Variants in FBXL17 observed in about 807,000 individuals in gnomAD.
FBXL17 encodes the protein F-box/LRR-repeat protein 17.
Under a neutral mutation model 66.2 loss-of-function variants are expected in FBXL17, and 22 were observed. That is an observed-to-expected ratio of 0.33 (90% CI 0.24 to 0.47). The LOEUF (loss-of-function observed/expected upper bound fraction) is 0.47, where lower values mean the gene tolerates loss of function less well. Among genes scored for constraint, FBXL17 ranks in the 20% least tolerant of loss-of-function variants. The pLI is 1.00. For synonymous variants in FBXL17, 474 were observed against 400.5 expected, an observed-to-expected ratio of 1.18 and a Z score of -2.19; for missense variants, 878 against 948.2, an observed-to-expected ratio of 0.93 and a Z score of 0.97.
At chr5:108,109,102 A>G (rs968529411) in intron 6 of FBXL17, among the ~76,000 whole-genome samples, 2 of 152,042 alleles carry the variant, frequency 1.3e-5, no homozygotes, top group African/African-American at 4.8e-5. Flanking sequence ...ACTTTCAAAG[A>G]CCTATTGGGA....
At chr5:108,060,173 TAC>T (rs72198277) in intron 6 of FBXL17, among the ~76,000 whole-genome samples, 23,923 of 148,822 alleles carry the variant, frequency 0.16, 2,290 homozygotes, top group South Asian at 0.43. Flanking sequence ...CACATATGTG[TAC>T]ATATATATAT....
intron 4 of FBXL17, among the ~76,000 whole-genome samples, chr5:108,270,545 AAAC>A (rs937406990): frequency 2.0e-5 from 3 of 150,992 alleles, no homozygotes; most frequent in Non-Finnish European, 4.4e-5. Context: ...TAAAAAAAAA[AAAC>A]ATGTTCTCAA....
At chr5:108,281,392 T>C (rs1462449683) in intron 4 of FBXL17, among the ~76,000 whole-genome samples, 1 of 151,648 alleles carries the variant, frequency 6.6e-6, no homozygotes, top group Non-Finnish European at 1.5e-5. Context: ...ACTCTGGAAA[T>C]TTTACAAATA....
intron 8 of FBXL17, among the ~76,000 whole-genome samples, chr5:107,868,870 A>G (rs1288536207): frequency 6.6e-6 from 1 of 151,664 alleles, no homozygotes; most frequent in Non-Finnish European, 1.5e-5. Context: ...TCAGAGAAGA[A>G]AGGAAACCAG....
intron 6 of FBXL17, among the ~76,000 whole-genome samples, chr5:108,070,449 G>A (rs965254361): frequency 5.3e-5 from 8 of 152,094 alleles, no homozygotes; most frequent in Non-Finnish European, 1.0e-4. Context: ...AATGAAAACC[G>A]AAAAATTATA....
chr5:108,374,926 T>A (rs1359275965), intron 1 of FBXL17, among the ~76,000 whole-genome samples: 3 of 152,006 alleles, frequency 2.0e-5, no homozygotes, highest in Non-Finnish European at 4.4e-5. Flanking sequence ...CAACCTAAAC[T>A]TCTACCTCAA....
rs1313511612 is a variant in FBXL17 at position 108,375,748 on chromosome 5, T to C, written c.993+4951A>G. ...TTAAATTCTTCCAAAAATGAGAGGA[T>C]GGGATACTACTTCCCAACTCATGCT... On this transcript the variant is annotated intron_variant, in intron 1 of 8. Transcript: ENST00000542267. 2.0e-5 allele frequency among the ~76,000 whole-genome samples: 3 copies of C among 152,210 alleles called. No homozygotes were observed. The East Asian group carries it at 5.8e-4, about 29-fold the overall frequency.
chr5:108,091,011 G>C (rs1353531444), intron 6 of FBXL17, among the ~76,000 whole-genome samples: 1 of 152,056 alleles, frequency 6.6e-6, no homozygotes, highest in Non-Finnish European at 1.5e-5. Context: ...TCCTCTGTTG[G>C]GTGTGCGTGG....
intron 4 of FBXL17, among the ~76,000 whole-genome samples, chr5:108,227,978 T>A (rs1205191820): frequency 6.6e-6 from 1 of 152,116 alleles, no homozygotes; most frequent in Non-Finnish European, 1.5e-5. Context: ...TTTTCCTATA[T>A]CCATCTTCGA....
chr5:108,106,417 T>G (rs1185512457), intron 6 of FBXL17, among the ~76,000 whole-genome samples: 1 of 152,182 alleles, frequency 6.6e-6, no homozygotes, highest in African/African-American at 2.4e-5. Flanking sequence ...CCTAGGTATA[T>G]ATCCAAGAGA....
intron 6 of FBXL17, among the ~76,000 whole-genome samples, chr5:108,067,199 T>C (rs1748146548): frequency 1.3e-5 from 2 of 152,138 alleles, no homozygotes; most frequent in South Asian, 4.1e-4. Flanking sequence ...CGTAACAATA[T>C]GGGCTTTGTT....
At chr5:107,935,823 T>C (rs13163255) in intron 7 of FBXL17, among the ~76,000 whole-genome samples, 53,944 of 151,846 alleles carry the variant, frequency 0.36, 10,738 homozygotes, top group African/African-American at 0.53. Context: ...ATGGAAGCAA[T>C]GGAGGGGAAG....
intron 6 of FBXL17, among the ~76,000 whole-genome samples, chr5:108,143,984 G>C (rs1751462220): frequency 6.6e-6 from 1 of 151,856 alleles, no homozygotes; most frequent in Non-Finnish European, 1.5e-5. Context: ...AAATTATAGA[G>C]AGCTATCATA....
chr5:108,308,896 A>G (rs1156313635), intron 4 of FBXL17, among the ~76,000 whole-genome samples: 1 of 152,070 alleles, frequency 6.6e-6, no homozygotes, highest in Non-Finnish European at 1.5e-5. Flanking sequence ...AATTGACACA[A>G]CTATTCTTCC....
chr5:107,951,241 G>A (rs746751248), intron 7 of FBXL17, among the ~76,000 whole-genome samples: 1 of 152,202 alleles, frequency 6.6e-6, no homozygotes, highest in Non-Finnish European at 1.5e-5. Flanking sequence ...TAATATGTCT[G>A]CTTAATTTTG....
chr5:108,279,983 G>A (rs566679870), intron 4 of FBXL17, among the ~76,000 whole-genome samples: 1 of 152,124 alleles, frequency 6.6e-6, no homozygotes, highest in South Asian at 2.1e-4. Context: ...ACAATGTGAA[G>A]CAACTGAACT....
intron 6 of FBXL17, among the ~76,000 whole-genome samples, chr5:108,081,100 T>A (rs1178798854): frequency 2.0e-5 from 3 of 152,296 alleles, no homozygotes; most frequent in African/African-American, 7.2e-5. Context: ...AAACTGACTC[T>A]ACACTAGAGT....
chr5:108,154,013 C>G (rs974916196), intron 6 of FBXL17, among the ~76,000 whole-genome samples: 4 of 152,010 alleles, frequency 2.6e-5, no homozygotes, highest in South Asian at 2.1e-4. Flanking sequence ...ACTCTGCCAA[C>G]AAATCTGCCT....
intron 4 of FBXL17, among the ~76,000 whole-genome samples, chr5:108,273,257 T>C: frequency 6.6e-6 from 1 of 152,056 alleles, no homozygotes; most frequent in East Asian, 1.9e-4. Context: ...AGTTAATGGG[T>C]GCAGCACACC....
Sources: allele counts gnomAD v4.1 joint callset (sites outside exome capture counted in the v4.1 genomes callset), GRCh38; gene constraint gnomAD v4.1.1; transcripts MANE v1.5; gene names NCBI Gene and HGNC (gene_info 2026-07-23, HGNC 2026-07-21).